Variants in CLCN6 observed in about 807,000 individuals in gnomAD.
The protein encoded by CLCN6 is H(+)/Cl(-) exchange transporter 6.
In CLCN6, 70 loss-of-function variants were observed where a neutral mutation model predicts 109.8. The ratio of observed to expected loss-of-function variants is 0.64; its 90% confidence interval spans 0.53 to 0.78. The LOEUF (loss-of-function observed/expected upper bound fraction) is 0.78, where lower values mean the gene tolerates loss of function less well. Ranked by LOEUF, CLCN6 falls within the 30% of genes least tolerant of loss-of-function variation. The probability of loss-of-function intolerance (pLI) is 0.00; values close to 1 mark genes in which losing one functional copy is unlikely to be tolerated. For synonymous variants in CLCN6, 444 were observed against 447.8 expected (o/e 0.99, Z 0.11); for missense variants, 984 against 1,142.3 (o/e 0.86, Z 2.00).
At chr1:11,810,804 G>T (rs1392567967) in intron 2 of CLCN6, among the ~76,000 whole-genome samples, 1 of 151,724 alleles carries the variant, frequency 6.6e-6, no homozygotes, top group Non-Finnish European at 1.5e-5. Context: ...AGTGGCTCAC[G>T]CCTATATGCT....
chr1:11,836,679 A>G (rs1422253533), intron 18 of CLCN6, among the ~76,000 whole-genome samples: 4 of 152,160 alleles, frequency 2.6e-5, no homozygotes, highest in South Asian at 4.1e-4. Context: ...CACTTGGGTC[A>G]TGTGCCACTC....
Position 11,840,215 on chromosome 1 carries a change from A to G in CLCN6, c.2602A>G (p.Thr868Ala), listed in dbSNP as rs954297112. 1 of 1,612,596 alleles carries G rather than the reference A, an allele frequency of 6.2e-7. No individual in the cohort carries two copies. Residue 868 changes from threonine (T) to alanine (A), a missense_variant, in exon 23 of 23, where the codon ACC (threonine) becomes GCC (alanine). Thr to Ala is a moderately conservative substitution (Grantham distance 58). Transcript: ENST00000346436. ...GGCCCGGCTGAGGCAGCACTACCAG[A>G]CCATCTGACAGCCCAGCCCACCCTC... ...LQARLRQHYQTI is the reference protein window; with the variant it reads ...LQARLRQHYQAI
At chr1:11,821,096 A>C (rs1475478791) in intron 5 of CLCN6, among the ~76,000 whole-genome samples, 12 of 152,052 alleles carry the variant, frequency 7.9e-5, no homozygotes, top group South Asian at 4.1e-4. Flanking sequence ...ACAAAAAAAA[A>C]AAACAAACAA....
chr1:11,839,010 A>T (rs945348250), intron 22 of CLCN6: 6 of 658,134 alleles, frequency 9.1e-6, no homozygotes, highest in Non-Finnish European at 1.7e-5. Context: ...TTCAAGCAAA[A>T]TACTTTGAGT....
At chr1:11,807,997 A>G (rs1238996436) in intron 2 of CLCN6, among the ~76,000 whole-genome samples, 1 of 151,958 alleles carries the variant, frequency 6.6e-6, no homozygotes, top group East Asian at 1.9e-4. Flanking sequence ...TAAATTCTTC[A>G]TGCTGTAGAA....
intron 1 of CLCN6, 192 bp downstream of exon 1, chr1:11,806,541 C>T: frequency 2.1e-6 from 1 of 481,888 alleles, no homozygotes; most frequent in South Asian, 3.5e-5. Context: ...CTCATAACCC[C>T]TCCTGGAATC....
At chr1:11,820,531 C>T (rs1644727574) in intron 5 of CLCN6, 1 of 561,330 alleles carries the variant, frequency 1.8e-6, no homozygotes, top group African/African-American at 1.9e-5. Context: ...TTTTGGGAGG[C>T]AGAGGCAGGC....
chr1:11,807,293 G>T, intron 2 of CLCN6, 103 bp downstream of exon 2: 1 of 1,003,074 alleles, frequency 1.0e-6, no homozygotes, highest in Non-Finnish European at 1.6e-6. Flanking sequence ...TTGACCTTCT[G>T]TCCCAGGGAG....
rs753242055 is a variant in CLCN6 at position 11,819,357 on chromosome 1, G to T, written c.280-131G>T. The T allele has an allele frequency of 1.8e-4, 147 of 798,880 alleles. 1 individual carries two copies. Among genetic ancestry groups the T allele is most frequent in the Admixed American group, 3.4e-4 (19 of 56,064 alleles). 49.5% of individuals were successfully genotyped at this position (798,880 alleles called of 1,614,324 possible). A position where few individuals can be genotyped will look rare whatever the true frequency, so the allele number is the denominator to read the frequency against. On this transcript the variant is annotated intron_variant, in intron 4 of 22. Transcript: ENST00000346436. ...CTGCGCTTTTCTGCTGTGCATTCAC[G>T]TACTGCTGGCTGGTGAGCAGCCTCC...
chr1:11,807,463 C>T (rs1424162337), intron 2 of CLCN6, among the ~76,000 whole-genome samples: 1 of 152,228 alleles, frequency 6.6e-6, no homozygotes, highest in East Asian at 1.9e-4. Flanking sequence ...TTTGCTTTTA[C>T]AGCTTACAGA....
rs1645039588 is a variant in CLCN6, at chr1:11,842,630, G to A, written c.*2407G>A. The A allele has an allele frequency of 6.5e-6, 1 of 152,712 alleles. No homozygotes were observed. Among genetic ancestry groups the A allele is most frequent in the Admixed American group, 6.5e-5 (1 of 15,286 alleles). 9.5% of individuals were successfully genotyped at this position (152,712 alleles called of 1,614,324 possible). ...GAGCCTACGGGTGGTAAGAAGTGGT[G>A]TTTTGTGTTTCATCTCCAGCTTGGT... is the stretch of plus-strand genomic sequence containing the variant. On this transcript the variant is annotated 3_prime_UTR_variant, in exon 23 of 23. Transcript: ENST00000346436.
chr1:11,834,654 G>A lies in CLCN6; in HGVS notation c.1793+64G>A. On this transcript the variant is annotated intron_variant, in intron 17 of 22. Transcript: ENST00000346436. This position sits in a 1 kb window ranked among gnomAD's most constrained non-coding sequence, Gnocchi z 4.5. ...GTATAAGCTCTGAGGCCTAAGGAAT[G>A]TTGTTATTAGGGTAGGAAACAGTAA... The A allele has an allele frequency of 7.5e-7, 1 of 1,329,536 alleles. No homozygotes were observed. Among genetic ancestry groups the A allele is most frequent in the Non-Finnish European group, 1.1e-6 (1 of 930,188 alleles). The allele number at this position is 1,329,536 out of a possible 1,614,324, so 82.4% of individuals were successfully genotyped here. A position where few individuals can be genotyped will look rare whatever the true frequency, so the allele number is the denominator to read the frequency against.
chr1:11,825,155 T>C (rs1412484876), intron 8 of CLCN6, among the ~76,000 whole-genome samples: 1 of 152,184 alleles, frequency 6.6e-6, no homozygotes, highest in East Asian at 1.9e-4. Context: ...CTGGCTGCTG[T>C]TGGAGAAGTC....
At chr1:11,816,929 G>C (rs1644680983) in intron 4 of CLCN6, among the ~76,000 whole-genome samples, 1 of 151,486 alleles carries the variant, frequency 6.6e-6, no homozygotes, top group Admixed American at 6.6e-5. Flanking sequence ...CGAGACACAT[G>C]ACAATGGTGC....
At chr1:11,823,566 T>C in intron 6 of CLCN6, 141 bp from the exon 7 acceptor site, 1 of 1,025,772 alleles carries the variant, frequency 9.7e-7, no homozygotes. Context: ...CCAGCAGCTG[T>C]GGTTCTGCAA....
chr1:11,821,073 T>TAAAAAAAAAAAAAAAAAAAAAAA (rs1216520509), intron 5 of CLCN6, among the ~76,000 whole-genome samples: 2 of 123,128 alleles, frequency 1.6e-5, no homozygotes, highest in Non-Finnish European at 3.4e-5. Context: ...CAAAACTGTC[T>TAAAAAAAAAAAAAAAAAAAAAAA]CAAAAAACAA....
Position 11,829,316 on chromosome 1 carries a change from G to A in CLCN6, c.1242G>A (p.Gln414=). The change falls in exon 13 of 23, where the codon CAG becomes CAA. Residue 414 remains glutamine (Q), a synonymous_variant. Transcript: ENST00000346436. ...SSSQIGNDSF[Q]LQVTEDVNSS... ...GTCAAATCGGTAATGACTCATTCCA[G>A]CTCCAGGTAACCCCAGTGCACCTGC... The A allele has an allele frequency of 6.2e-7, 1 of 1,614,070 alleles. No homozygotes were observed. Among genetic ancestry groups the A allele is most frequent in the Non-Finnish European group, 8.5e-7 (1 of 1,179,966 alleles).
intron 10 of CLCN6, among the ~76,000 whole-genome samples, chr1:11,827,583 G>A (rs1374586306): frequency 1.4e-5 from 2 of 140,764 alleles, no homozygotes; most frequent in South Asian, 2.3e-4. Context: ...TTATAGGCAC[G>A]TGCCACCGCA....
chr1:11,824,441 C>A, intron 7 of CLCN6, 45 bp from the exon 8 acceptor site: 2 of 1,511,668 alleles, frequency 1.3e-6, no homozygotes, highest in Non-Finnish European at 1.8e-6. Context: ...GACCCAGGGG[C>A]GTTTCTGCAC....
Sources: allele counts gnomAD v4.1 joint callset (sites outside exome capture counted in the v4.1 genomes callset), GRCh38; gene constraint gnomAD v4.1.1; non-coding constraint Gnocchi (gnomAD v3.1); transcripts MANE v1.5; gene names NCBI Gene and HGNC (gene_info 2026-07-23, HGNC 2026-07-21).